Variants in SEMA3D observed in about 807,000 individuals in gnomAD.
The protein encoded by SEMA3D is semaphorin-3D.
In SEMA3D, 84 loss-of-function variants were observed where a neutral mutation model predicts 100.1. The ratio of observed to expected loss-of-function variants is 0.84; its 90% CI spans 0.70 to 1.01. The LOEUF (loss-of-function observed/expected upper bound fraction) is 1.01. Among genes scored for constraint, SEMA3D ranks in the 50% least tolerant of loss-of-function variants. The pLI, the probability that SEMA3D is intolerant of heterozygous loss-of-function variation, is 0.00. For synonymous variants in SEMA3D, 312 were observed against 320.7 expected (o/e 0.97, Z 0.29); for missense variants, 875 against 934.1 (o/e 0.94, Z 0.82).
the SEMA3D span, among the ~76,000 whole-genome samples, chr7:85,215,311 A>G: frequency 2.0e-5 from 3 of 152,082 alleles, no homozygotes; most frequent in African/African-American, 7.2e-5. Context: ...GACCCTATGA[A>G]GTAGGTGTTA....
At chr7:85,009,585 TA>T (rs34901699) in intron 17 of SEMA3D, among the ~76,000 whole-genome samples, 53,841 of 147,818 alleles carry the variant, frequency 0.36, 10,104 homozygotes, top group African/African-American at 0.5. Flanking sequence ...CACTTTTATT[TA>T]AAAAAAAAAA....
intron 12 of SEMA3D, among the ~76,000 whole-genome samples, chr7:85,031,642 A>G (rs10264466): frequency 0.051 from 7,812 of 151,924 alleles, 667 homozygotes; most frequent in African/African-American, 0.18. Flanking sequence ...CAATTCATAA[A>G]CTGTGAGAGC....
At chr7:85,091,665 T>G (rs1788398381) in intron 4 of SEMA3D, among the ~76,000 whole-genome samples, 1 of 152,074 alleles carries the variant, frequency 6.6e-6, no homozygotes, top group Non-Finnish European at 1.5e-5. Context: ...AACTGACAGT[T>G]ACTATGTCGT....
At chr7:85,019,026 T>A (rs1411821440) in intron 14 of SEMA3D, among the ~76,000 whole-genome samples, 5 of 151,634 alleles carry the variant, frequency 3.3e-5, no homozygotes, top group Non-Finnish European at 5.9e-5. Flanking sequence ...TGAAAAAAAA[T>A]TTCAGTGAGA....
chr7:85,086,574 T>C (rs1482869107), intron 4 of SEMA3D, among the ~76,000 whole-genome samples: 1 of 152,034 alleles, frequency 6.6e-6, no homozygotes, highest in Non-Finnish European at 1.5e-5. Context: ...TACGCACATA[T>C]ATAACAGCAT....
intron 2 of SEMA3D, among the ~76,000 whole-genome samples, chr7:85,152,212 C>T (rs533592174): frequency 5.3e-5 from 8 of 151,942 alleles, no homozygotes; most frequent in East Asian, 3.9e-4. Context: ...ACAAATTTTA[C>T]GGTAATGTGT....
chr7:85,118,575 T>C (rs1298345323), intron 3 of SEMA3D, among the ~76,000 whole-genome samples: 3 of 152,184 alleles, frequency 2.0e-5, no homozygotes, highest in Non-Finnish European at 4.4e-5. Context: ...AAGGCAGGAC[T>C]AAAGTATCCC....
At chr7:85,098,819 C>A (rs1288657195) in intron 3 of SEMA3D, among the ~76,000 whole-genome samples, 1 of 151,864 alleles carries the variant, frequency 6.6e-6, no homozygotes, top group Admixed American at 6.6e-5. Context: ...ATTGTCTGTG[C>A]TCCACCTATT....
At chr7:85,083,812 A>G (rs566186678) in intron 4 of SEMA3D, among the ~76,000 whole-genome samples, 1 of 133,072 alleles carries the variant, frequency 7.5e-6, no homozygotes, top group East Asian at 2.3e-4. Context: ...GCGCCACTGC[A>G]CTCCAGCCTG....
intron 1 of SEMA3D, among the ~76,000 whole-genome samples, chr7:85,162,711 GA>G (rs1455345659): frequency 6.6e-6 from 1 of 152,082 alleles, no homozygotes; most frequent in Non-Finnish European, 1.5e-5. Flanking sequence ...GAAGAACGTG[GA>G]AAAAGACTGG....
chr7:85,224,801 C>T, the SEMA3D span, among the ~76,000 whole-genome samples: 1 of 151,796 alleles, frequency 6.6e-6, no homozygotes, highest in East Asian at 1.9e-4. Flanking sequence ...TGCCTATTCT[C>T]TATTGCAATA....
intron 4 of SEMA3D, among the ~76,000 whole-genome samples, chr7:85,092,224 T>C (rs981942870): frequency 6.6e-6 from 1 of 152,100 alleles, no homozygotes; most frequent in Non-Finnish European, 1.5e-5. Flanking sequence ...TTCTACCATA[T>C]GTGATCTGTC....
chr7:85,151,791 A>T (rs933679952), intron 2 of SEMA3D: 1 of 815,238 alleles, frequency 1.2e-6, no homozygotes, highest in Admixed American at 6.2e-5. Flanking sequence ...TTAGAAGAAA[A>T]TTTTAAATTC....
Position 85,037,100 on chromosome 7 carries a change from T to TA in SEMA3D, c.1047-68dup, listed in dbSNP as rs1356173125. On this transcript the variant is annotated intron_variant, in intron 11 of 18. Transcript: ENST00000284136. Reference sequence around the variant, plus strand: ...ATTCAATAAACATTGACTGAGCACATACTATCAGCAGGTGCTGTGGACAAA... The same window carrying TA: ...ATTCAATAAACATTGACTGAGCACATAACTATCAGCAGGTGCTGTGGACAAA... The TA allele has an allele frequency of 1.2e-5, 18 of 1,514,482 alleles. 1 individual carries two copies. The African/African-American group carries it at 2.5e-4, about 21-fold the overall frequency. The allele number at this position is 1,514,482 out of a possible 1,614,324, so 93.8% of individuals were successfully genotyped here.
intron 1 of SEMA3D, among the ~76,000 whole-genome samples, chr7:85,168,269 A>G (rs867639867): frequency 4.0e-5 from 6 of 151,884 alleles, no homozygotes; most frequent in African/African-American, 1.4e-4. Context: ...TAGTCCCAAG[A>G]AAGTTTCATC....
chr7:85,033,858 T>C (rs201726933), intron 12 of SEMA3D, among the ~76,000 whole-genome samples: 179 of 141,150 alleles, frequency 1.3e-3, no homozygotes, highest in East Asian at 3.5e-3. Context: ...ATCACACACA[T>C]ACACACACAC....
intron 1 of SEMA3D, among the ~76,000 whole-genome samples, chr7:85,169,124 T>A (rs1186560443): frequency 6.6e-6 from 1 of 151,806 alleles, no homozygotes; most frequent in African/African-American, 2.4e-5. Flanking sequence ...ATCATTAGCT[T>A]ATTAATTAGA....
At chr7:85,213,892 T>C in the SEMA3D span, among the ~76,000 whole-genome samples, 3 of 152,202 alleles carry the variant, frequency 2.0e-5, no homozygotes, top group African/African-American at 7.2e-5. Flanking sequence ...TGTGGCTCTC[T>C]TTGGCTGCCT....
chr7:85,029,243 G>A, intron 12 of SEMA3D: 1 of 759,894 alleles, frequency 1.3e-6, no homozygotes, highest in East Asian at 2.5e-5. Context: ...TTAATGCCAA[G>A]GGCATCCTCA....
Sources: allele counts gnomAD v4.1 joint callset (sites outside exome capture counted in the v4.1 genomes callset), GRCh38; gene constraint gnomAD v4.1.1; transcripts MANE v1.5; gene names NCBI Gene and HGNC (gene_info 2026-07-23, HGNC 2026-07-21).